FMNL2: variants seen among roughly 807,000 people sequenced by gnomAD.
FMNL2 encodes the protein formin like 2.
FMNL2 carries 51 observed loss-of-function variants against 130.2 expected under a neutral mutation model. The observed-to-expected ratio is 0.39, with a 90% CI of 0.31 to 0.49. The LOEUF is 0.49. Among genes scored for constraint, FMNL2 ranks in the 20% least tolerant of loss-of-function variants. The pLI, the probability that FMNL2 is intolerant of heterozygous loss-of-function variation, is 0.85. For missense variants in FMNL2, 977 were observed against 1,316.2 expected (o/e 0.74, Z 3.99); for synonymous variants, 465 against 467.1 (o/e 1.00, Z 0.06).
At chr2:152,426,455 A>G (rs11901392) in intron 1 of FMNL2, among the ~76,000 whole-genome samples, 1 of 152,082 alleles carries the variant, frequency 6.6e-6, no homozygotes, top group Non-Finnish European at 1.5e-5. Context: ...GCCATGTGGC[A>G]GTGCACTTTC....
At chr2:152,556,973 T>A (rs1478233985) in intron 4 of FMNL2, among the ~76,000 whole-genome samples, 3 of 149,840 alleles carry the variant, frequency 2.0e-5, no homozygotes, top group Non-Finnish European at 4.4e-5. Context: ...AGGCCACCAA[T>A]GGAAAAGCCT....
At chr2:152,518,495 C>A (rs2105387799) in intron 1 of FMNL2, among the ~76,000 whole-genome samples, 1 of 152,278 alleles carries the variant, frequency 6.6e-6, no homozygotes, top group African/African-American at 2.4e-5. Flanking sequence ...ATCTACCTGC[C>A]CACTTGAGTG....
chr2:152,614,470 T>C (rs982192918), intron 11 of FMNL2, among the ~76,000 whole-genome samples: 1 of 152,084 alleles, frequency 6.6e-6, no homozygotes, highest in Non-Finnish European at 1.5e-5. Context: ...ACTGGCTGGG[T>C]GTGGTGGCTC....
chr2:152,454,119 C>CCA (rs1553459535), intron 1 of FMNL2, among the ~76,000 whole-genome samples: 17 of 151,946 alleles, frequency 1.1e-4, no homozygotes, highest in African/African-American at 4.1e-4. Flanking sequence ...GCTAAAAATA[C>CCA]AAAAAAATTT....
rs566073374 is a variant in FMNL2 at position 152,335,718 on chromosome 2, C to G, written c.115C>G (p.Leu39Val). ...GELEERFAIV[L>V]NAMNLPPDKA... ...ACTGGAGGAGCGATTTGCCATCGTG[C>G]TGGTAAGTGCGCGGCGGCGGTCGGG... Residue 39 changes from leucine (L) to valine (V), a missense_variant and splice_region_variant, in exon 1 of 26, where the codon CTG becomes GTG. Transcript: ENST00000288670. The G allele has an allele frequency of 5.1e-6, 8 of 1,569,866 alleles. No homozygotes were observed. In the Admixed American group the frequency reaches 9.1e-5, roughly 18 times the overall value.
chr2:152,370,347 A>C (rs12465320), intron 1 of FMNL2, among the ~76,000 whole-genome samples: 15,832 of 152,176 alleles, frequency 0.1, 2,177 homozygotes, highest in East Asian at 0.68. Context: ...AATCCCATTC[A>C]TGAAGACTCT....
chr2:152,438,557 A>G (rs1053835242), intron 1 of FMNL2, among the ~76,000 whole-genome samples: 6 of 152,048 alleles, frequency 3.9e-5, no homozygotes, highest in Admixed American at 6.6e-5. Context: ...TTTTTGAGAC[A>G]TATGACTTTT....
intron 9 of FMNL2, among the ~76,000 whole-genome samples, chr2:152,597,235 A>C (rs1360415579): frequency 1.3e-5 from 2 of 152,232 alleles, no homozygotes; most frequent in Non-Finnish European, 2.9e-5. Flanking sequence ...GTTATCTTTA[A>C]ATTAAAAGGT....
chr2:152,618,963 C>G lies in FMNL2; in HGVS notation c.1432C>G (p.Gln478Glu), dbSNP rs1293454447. ...LEKKIHELEK[Q>E]GTIKIQKKGD... The stretch of plus-strand genomic sequence containing the variant: ...AAAAAAGATTCATGAGCTAGAGAAA[C>G]AAGGGACCATTAAAATTCAGAAGAA... The change falls in exon 14 of 26, where the codon CAA becomes GAA. Residue 478 changes from glutamine to glutamate, a missense_variant. Gln to Glu is a conservative substitution (Grantham distance 29). Transcript: ENST00000288670. The G allele has an allele frequency of 3.7e-6, 6 of 1,614,014 alleles. No individual in the cohort carries two copies. The highest frequency in any genetic ancestry group is 5.1e-6 in the Non-Finnish European group (6 of 1,179,888).
chr2:152,589,971 A>G lies in FMNL2; in HGVS notation c.876+8922A>G, dbSNP rs866594775. ...TATATATATATATATATATATATAT[A>G]TATATATATATATGTATATGTATAT... On this transcript the variant is annotated intron_variant, in intron 9 of 25. Transcript: ENST00000288670. 4.8e-4 allele frequency among the ~76,000 whole-genome samples: 23 copies of G among 48,338 alleles called. 1 individual carries two copies. Among genetic ancestry groups the G allele is most frequent in the Admixed American group, 1.6e-3 (9 of 5,788 alleles). 31.7% of individuals were successfully genotyped at this position (48,338 alleles called of 152,430 possible).
At chr2:152,376,924 A>G (rs1341177353) in intron 1 of FMNL2, among the ~76,000 whole-genome samples, 7 of 152,316 alleles carry the variant, frequency 4.6e-5, no homozygotes, top group South Asian at 4.1e-4. Context: ...GCAAACAACA[A>G]AACTCTGAGG....
rs6746190 is a variant in FMNL2 at position 152,392,320 on chromosome 2, C to A, written c.117+56600C>A. Among the ~76,000 whole-genome samples, 716 of 152,246 alleles carry A rather than the reference C, an allele frequency of 4.7e-3. 4 individuals carry two copies. Among genetic ancestry groups the A allele is most frequent in the African/African-American group, 0.016 (680 of 41,550 alleles). ...TTGGGATTGACTTTTCTCTCCCCCC[C>A]ACTCATCACAGTGGGAATGCATTTT... On this transcript the variant is annotated intron_variant, in intron 1 of 25. Transcript: ENST00000288670.
intron 1 of FMNL2, among the ~76,000 whole-genome samples, chr2:152,341,675 A>G (rs959859065): frequency 6.6e-6 from 1 of 152,246 alleles, no homozygotes; most frequent in African/African-American, 2.4e-5. Context: ...ATACCACTTG[A>G]AAACAAAATT....
chr2:152,605,014 C>T (rs114673535), intron 9 of FMNL2, among the ~76,000 whole-genome samples: 1,617 of 152,084 alleles, frequency 0.011, 26 homozygotes, highest in African/African-American at 0.037. Context: ...TCTCTTTGGG[C>T]GTAAGATGTG....
chr2:152,390,084 A>G (rs991630833), intron 1 of FMNL2: 17 of 1,499,140 alleles, frequency 1.1e-5, no homozygotes, highest in East Asian at 1.1e-4. Flanking sequence ...GCAGGAGAAG[A>G]AGGAGGAAGA....
At chr2:152,472,043 T>A (rs1318392534) in intron 1 of FMNL2, among the ~76,000 whole-genome samples, 2 of 152,184 alleles carry the variant, frequency 1.3e-5, no homozygotes, top group Admixed American at 1.3e-4. Context: ...CATAAGGAGC[T>A]TTCTTTCAAA....
At chr2:152,358,993 C>T (rs1683004838) in intron 1 of FMNL2, among the ~76,000 whole-genome samples, 1 of 152,140 alleles carries the variant, frequency 6.6e-6, no homozygotes, top group Non-Finnish European at 1.5e-5. Flanking sequence ...CCACAGTGTA[C>T]ACAGATTGTA....
At position 152,478,343 on chromosome 2, in the gene FMNL2, T is replaced by C. The variant is rs1690285525; in HGVS notation, c.118-43600T>C. On this transcript the variant is annotated intron_variant, in intron 1 of 25. Coordinates refer to ENST00000288670, the MANE Select transcript of FMNL2 (RefSeq NM_052905.4). ...TTGGCTCACTCCCGGGTTCAAGTGA[T>C]TCTCCTGCGTCAGCCTCCTAAGTAG... is the stretch of plus-strand genomic sequence containing the variant. 2.0e-5 allele frequency among the ~76,000 whole-genome samples: 3 copies of C among 150,468 alleles called. No homozygotes were observed. The Admixed American group carries it at 2.0e-4, about 10-fold the overall frequency.
intron 3 of FMNL2, among the ~76,000 whole-genome samples, chr2:152,547,692 A>C (rs1043878060): frequency 6.6e-6 from 1 of 152,096 alleles, no homozygotes; most frequent in African/African-American, 2.4e-5. Context: ...CCTTACTTCC[A>C]TCCTCCTTCC....
Sources: allele counts gnomAD v4.1 joint callset (sites outside exome capture counted in the v4.1 genomes callset), GRCh38; gene constraint gnomAD v4.1.1; transcripts MANE v1.5; gene names NCBI Gene and HGNC (gene_info 2026-07-23, HGNC 2026-07-21).